Variants in TOP1 observed in about 807,000 individuals in gnomAD.
TOP1 encodes the protein DNA topoisomerase I, also known as DNA topoisomerase 1.
In TOP1, 10 loss-of-function variants were observed where a neutral mutation model predicts 111.1. The observed-to-expected ratio is 0.09, with a 90% CI of 0.06 to 0.15. The LOEUF (loss-of-function observed/expected upper bound fraction) is 0.15, where lower values mean the gene tolerates loss of function less well. Ranked by LOEUF, TOP1 falls within the 10% of genes least tolerant of loss-of-function variation. The pLI, the probability that TOP1 is intolerant of heterozygous loss-of-function variation, is 1.00. For missense variants in TOP1, 474 were observed against 926.7 expected (o/e 0.51, Z 6.34); for synonymous variants, 271 against 302.9 (o/e 0.89, Z 1.10).
At chr20:41,036,451 A>G (rs2033186453) in intron 2 of TOP1, among the ~76,000 whole-genome samples, 1 of 152,230 alleles carries the variant, frequency 6.6e-6, no homozygotes, top group South Asian at 2.1e-4. Context: ...ATAAGCAAGG[A>G]TAATATTTAT....
rs2034327567 is a variant in TOP1 at position 41,116,196 on chromosome 20, A to G, written c.1708-82A>G. 3 of 832,220 alleles carry G rather than the reference A, an allele frequency of 3.6e-6. No homozygotes were observed. Among genetic ancestry groups the G allele is most frequent in the East Asian group, 5.1e-5 (2 of 39,258 alleles). 51.6% of individuals were successfully genotyped at this position (832,220 alleles called of 1,614,324 possible). A position where few individuals can be genotyped will look rare whatever the true frequency, so the allele number is the denominator to read the frequency against. On this transcript the variant is annotated intron_variant, in intron 16 of 20. Coordinates refer to ENST00000361337, the MANE Select transcript of TOP1 (RefSeq NM_003286.4). The surrounding 1 kb of genome is among the most constrained non-coding windows in gnomAD (Gnocchi z 5.6). ...ATAAACTTGACAAGATTGTGACTGC[A>G]CTGGCATAAATTACTCCTAGGGCTG...
Position 41,121,397 on chromosome 20 carries a change from G to A in TOP1, c.1951-299G>A, listed in dbSNP as rs1266084944. ...CCTCCCAGATGTATGACAGCAGAGT[G>A]TTCTCTGATGGAAAGATCAGCACCC... On this transcript the variant is annotated intron_variant, in intron 18 of 20. Transcript: ENST00000361337. The surrounding 1 kb of genome is among the most constrained non-coding windows in gnomAD (Gnocchi z 4.2). Among the ~76,000 whole-genome samples the A allele has an allele frequency of 1.3e-5, 2 of 152,198 alleles. No homozygotes were observed. Among genetic ancestry groups the A allele is most frequent in the Non-Finnish European group, 2.9e-5 (2 of 68,046 alleles).
At chr20:41,050,803 T>A (rs778245657) in intron 2 of TOP1, among the ~76,000 whole-genome samples, 1 of 152,238 alleles carries the variant, frequency 6.6e-6, no homozygotes, top group East Asian at 1.9e-4. Flanking sequence ...CAGTTTTTTA[T>A]CACTCAAGAC....
At chr20:41,090,423 A>T (rs1046219316) in intron 8 of TOP1, among the ~76,000 whole-genome samples, 30 of 152,054 alleles carry the variant, frequency 2.0e-4, no homozygotes, top group African/African-American at 6.3e-4. Flanking sequence ...ATTTACAAAT[A>T]TTTTCTCCTA....
chr20:41,113,182 G>A (rs1463249997), intron 14 of TOP1, among the ~76,000 whole-genome samples: 2 of 152,008 alleles, frequency 1.3e-5, no homozygotes, highest in Non-Finnish European at 2.9e-5. Flanking sequence ...AACCATGCAG[G>A]TATCACCATT....
At chr20:41,047,476 A>C (rs2033348474) in intron 2 of TOP1, among the ~76,000 whole-genome samples, 1 of 152,278 alleles carries the variant, frequency 6.6e-6, no homozygotes, top group African/African-American at 2.4e-5. Context: ...TAAGCACACT[A>C]TGATGTTTGC....
At position 41,121,196 on chromosome 20, in the gene TOP1, A is replaced by G. The variant is rs2034417724; in HGVS notation, c.1951-500A>G. On this transcript the variant is annotated intron_variant, in intron 18 of 20. Coordinates refer to ENST00000361337, the MANE Select transcript of TOP1 (RefSeq NM_003286.4). The surrounding 1 kb of genome is among the most constrained non-coding windows in gnomAD (Gnocchi z 4.2). ...CTTCAGTGCATCCATTTTCCTTGAGAAGCTGGCACCGCCTTCCCAGAGTAC... is the reference window on the plus strand; with the variant it reads ...CTTCAGTGCATCCATTTTCCTTGAGGAGCTGGCACCGCCTTCCCAGAGTAC... Among the ~76,000 whole-genome samples, 1 of 152,110 alleles carries G rather than the reference A, an allele frequency of 6.6e-6. No individual in the cohort carries two copies. Among genetic ancestry groups the G allele is most frequent in the African/African-American group, 2.4e-5 (1 of 41,408 alleles).
intron 5 of TOP1, 37 bp downstream of exon 5, chr20:41,077,674 G>A: frequency 1.3e-6 from 2 of 1,594,772 alleles, no homozygotes; most frequent in Non-Finnish European, 1.7e-6. Flanking sequence ...CCCTTTCTCT[G>A]GGTGGACAGC....
chr20:41,035,909 G>A (rs139882047), intron 2 of TOP1, among the ~76,000 whole-genome samples: 3 of 152,282 alleles, frequency 2.0e-5, no homozygotes, highest in African/African-American at 7.2e-5. Flanking sequence ...CATTGGCTAA[G>A]ACCTTTTACT....
intron 2 of TOP1, among the ~76,000 whole-genome samples, chr20:41,054,573 A>T (rs1276926181): frequency 6.6e-6 from 1 of 152,188 alleles, no homozygotes; most frequent in East Asian, 1.9e-4. Context: ...GTGGTAAGAA[A>T]CTTGAGTTGA....
chr20:41,123,510 A>G lies in TOP1; in HGVS notation c.*213A>G, dbSNP rs1006549001. ...TTATTTAAAAATATTTCAGATATCA[A>G]AATTCTAGCTGTATGATTTGTTTTG... On this transcript the variant is annotated 3_prime_UTR_variant, in exon 21 of 21. Transcript: ENST00000361337. The surrounding 1 kb of genome is among the most constrained non-coding windows in gnomAD (Gnocchi z 5.8). The G allele has an allele frequency of 1.4e-5, 6 of 435,164 alleles. No individual in the cohort carries two copies. Among genetic ancestry groups the G allele is most frequent in the Non-Finnish European group, 2.4e-5 (6 of 247,094 alleles). 27.0% of individuals were successfully genotyped at this position (435,164 alleles called of 1,614,324 possible).
Position 41,029,141 on chromosome 20 carries a change from TG to T in TOP1, c.33+43del. The T allele has an allele frequency of 7.0e-7, 1 of 1,424,980 alleles. No homozygotes were observed. The highest frequency in any genetic ancestry group is 9.2e-7 in the Non-Finnish European group (1 of 1,086,194). The allele number at this position is 1,424,980 out of a possible 1,614,324, so 88.3% of individuals were successfully genotyped here. A position where few individuals can be genotyped will look rare whatever the true frequency, so the allele number is the denominator to read the frequency against. On this transcript the variant is annotated intron_variant, in intron 1 of 20. Transcript: ENST00000361337. This position sits in a 1 kb window ranked among gnomAD's most constrained non-coding sequence, Gnocchi z 6.1. The stretch of plus-strand genomic sequence containing the variant: ...ACCCTGGCGGCCCCGGACCCCGGCC[TG>T]GCCGTCCCGCGACCCCCGGCGCAGG...
At position 41,110,909 on chromosome 20, in the gene TOP1, G is replaced by A. The variant is rs1047109158; in HGVS notation, c.1309-1873G>A. Reference sequence around the variant, plus strand: ...CAGCCATCTCCTGCTGGATCTAAGCGGGGTGGCTTCTGCCTCCACCTCCAT... The same window carrying A: ...CAGCCATCTCCTGCTGGATCTAAGCAGGGTGGCTTCTGCCTCCACCTCCAT... On this transcript the variant is annotated intron_variant, in intron 13 of 20. Transcript: ENST00000361337. The surrounding 1 kb of genome is among the most constrained non-coding windows in gnomAD (Gnocchi z 4.2). 6.6e-6 allele frequency among the ~76,000 whole-genome samples: 1 copy of A among 152,166 alleles called. No individual in the cohort carries two copies. The highest frequency in any genetic ancestry group is 1.5e-5 in the Non-Finnish European group (1 of 68,028).
At chr20:41,096,640 C>A (rs1174741164) in intron 9 of TOP1, among the ~76,000 whole-genome samples, 2 of 152,184 alleles carry the variant, frequency 1.3e-5, no homozygotes, top group Non-Finnish European at 2.9e-5. Context: ...TGTTGAATAG[C>A]AAAGTTCTAG....
chr20:41,052,390 C>T (rs187635534), intron 2 of TOP1, among the ~76,000 whole-genome samples: 2 of 152,286 alleles, frequency 1.3e-5, no homozygotes, highest in East Asian at 3.9e-4. Context: ...ATTTCTTCCC[C>T]TCATGTAATT....
intron 6 of TOP1, 55 bp from the exon 7 acceptor site, chr20:41,081,110 T>C: frequency 2.6e-6 from 4 of 1,530,898 alleles, no homozygotes; most frequent in Non-Finnish European, 3.5e-6. Flanking sequence ...CTCCTATGAG[T>C]GAGAACTCCT....
At chr20:41,107,328 C>A (rs890843282) in intron 13 of TOP1, among the ~76,000 whole-genome samples, 3 of 152,074 alleles carry the variant, frequency 2.0e-5, no homozygotes. Flanking sequence ...TTTTTAGAGT[C>A]CTATTAGATG....
At chr20:41,051,360 T>C (rs1170267164) in intron 2 of TOP1, among the ~76,000 whole-genome samples, 1 of 152,180 alleles carries the variant, frequency 6.6e-6, no homozygotes, top group South Asian at 2.1e-4. Context: ...TGCCTTTGCT[T>C]ATAAGGCAGC....
chr20:41,076,927 A>T lies in TOP1; in HGVS notation c.279+633A>T, dbSNP rs560865813. ...GTATTCTTCCATAGATACTCTGTATATCTGTATGTGTGTGTGTATCCCTTT... is the reference window on the plus strand; with the variant it reads ...GTATTCTTCCATAGATACTCTGTATTTCTGTATGTGTGTGTGTATCCCTTT... On this transcript the variant is annotated intron_variant, in intron 4 of 20. Coordinates refer to ENST00000361337, the MANE Select transcript of TOP1 (RefSeq NM_003286.4). Among the ~76,000 whole-genome samples, 5 of 152,240 alleles carry T rather than the reference A, an allele frequency of 3.3e-5. No individual in the cohort carries two copies. The East Asian group carries it at 9.6e-4, about 29-fold the overall frequency.
Sources: gnomAD v4.1 joint callset for allele counts (sites outside exome capture counted in the v4.1 genomes callset) on GRCh38, gnomAD v4.1.1 for gene constraint, Gnocchi (gnomAD v3.1) non-coding constraint, MANE v1.5 for transcripts, NCBI Gene and HGNC (gene_info 2026-07-23, HGNC 2026-07-21) for gene names.